DCHS2: variants seen among roughly 807,000 people sequenced by gnomAD.
The protein encoded by DCHS2 is protocadherin-23.
In DCHS2, 142 loss-of-function variants were observed where a neutral mutation model predicts 182.4. The ratio of observed to expected loss-of-function variants is 0.78; its 90% confidence interval spans 0.68 to 0.89. The LOEUF (loss-of-function observed/expected upper bound fraction) is 0.89. Among genes scored for constraint, DCHS2 ranks in the 40% least tolerant of loss-of-function variants. DCHS2 has a pLI of 0.00. For missense variants in DCHS2, 4,319 were observed against 4,198.6 expected, an observed-to-expected ratio of 1.03 and a Z score of -0.79; for synonymous variants, 1,740 against 1,663.3, an observed-to-expected ratio of 1.05 and a Z score of -1.12.
chr4:154,242,286 CAG>C (rs1164188965), intron 17 of DCHS2, among the ~76,000 whole-genome samples: 1 of 152,138 alleles, frequency 6.6e-6, no homozygotes, highest in Non-Finnish European at 1.5e-5. Context: ...AAAAGACTGA[CAG>C]AGTTATGAAT....
At chr4:154,435,025 T>C (rs908290616) in intron 1 of DCHS2, among the ~76,000 whole-genome samples, 1 of 152,102 alleles carries the variant, frequency 6.6e-6, no homozygotes, top group Non-Finnish European at 1.5e-5. Context: ...GAGGGAAAAC[T>C]AGGGATATTA....
intron 3 of DCHS2, chr4:154,354,792 C>T (rs975585740): frequency 7.2e-5 from 11 of 152,196 alleles, no homozygotes; most frequent in Admixed American, 7.2e-4. Context: ...GTAGTCCATA[C>T]TCTCTACGTC....
intron 1 of DCHS2, among the ~76,000 whole-genome samples, chr4:154,398,515 C>A (rs933674753): frequency 1.1e-3 from 174 of 152,314 alleles, no homozygotes; most frequent in African/African-American, 4.0e-3. Context: ...AATTCTCAAC[C>A]ACCACACCTC....
intron 3 of DCHS2, among the ~76,000 whole-genome samples, chr4:154,344,724 C>A (rs1277286172): frequency 6.6e-6 from 1 of 152,174 alleles, no homozygotes; most frequent in African/African-American, 2.4e-5. Context: ...TGTCTTGGAG[C>A]CCTGAGGCGG....
chr4:154,371,149 G>C (rs1730625926), intron 2 of DCHS2, among the ~76,000 whole-genome samples: 2 of 151,394 alleles, frequency 1.3e-5, no homozygotes, highest in African/African-American at 4.9e-5. Context: ...TGAAGAGGAA[G>C]ACTGTGAACA....
At position 154,236,622 on chromosome 4, in the gene DCHS2, C is replaced by T; in HGVS notation, c.8030G>A (p.Ser2677Asn). Residue 2677 changes from serine (S) to asparagine (N), a missense_variant, in exon 20 of 20, where the codon AGC becomes AAC. Ser to Asn is a conservative substitution (Grantham distance 46, BLOSUM62 1). Coordinates refer to ENST00000357232, the MANE Select transcript of DCHS2 (RefSeq NM_001358235.2). Reference protein sequence around the residue: ...SLSYHTHVKESTPLGSHITVV... With the variant: ...SLSYHTHVKENTPLGSHITVV... ...AGTGATGTGACTCCCTAGAGGGGTG[C>T]TTTCCTTGACATGGGTGTGATAGCT... The T allele has an allele frequency of 6.2e-7, 1 of 1,613,964 alleles. No homozygotes were observed. The highest frequency in any genetic ancestry group is 8.5e-7 in the Non-Finnish European group (1 of 1,179,910).
chr4:154,387,005 G>A (rs1731451247), intron 1 of DCHS2, among the ~76,000 whole-genome samples: 1 of 152,168 alleles, frequency 6.6e-6, no homozygotes, highest in South Asian at 2.1e-4. Context: ...CTCAAAGCAT[G>A]TGGAACTATT....
chr4:154,364,180 A>G (rs902968374), intron 3 of DCHS2, among the ~76,000 whole-genome samples: 5 of 152,218 alleles, frequency 3.3e-5, no homozygotes, highest in African/African-American at 1.2e-4. Context: ...AGTGTTTTCC[A>G]TGATTAACAA....
chr4:154,331,927 A>C lies in DCHS2; in HGVS notation c.3730+551T>G, dbSNP rs77832753. On this transcript the variant is annotated intron_variant, in intron 5 of 19. Coordinates refer to ENST00000357232, the MANE Select transcript of DCHS2 (RefSeq NM_001358235.2). Reference sequence around the variant, plus strand: ...TAATTTCTTAATTCAGACTTTAAAAATTTCACTGTAATTATTCCCCCTTTT... The same window carrying C: ...TAATTTCTTAATTCAGACTTTAAAACTTTCACTGTAATTATTCCCCCTTTT... 1.6e-4 allele frequency among the ~76,000 whole-genome samples: 24 copies of C among 152,340 alleles called. 1 individual carries two copies. The East Asian group carries it at 4.6e-3, about 29-fold the overall frequency.
At chr4:154,303,239 C>G (rs867199066) in intron 12 of DCHS2, among the ~76,000 whole-genome samples, 16 of 152,052 alleles carry the variant, frequency 1.1e-4, no homozygotes, top group African/African-American at 3.9e-4. Context: ...ACGTTGGCCT[C>G]CCAAAGTGCT....
chr4:154,335,948 A>G (rs1319028705), intron 3 of DCHS2, among the ~76,000 whole-genome samples: 2 of 152,200 alleles, frequency 1.3e-5, no homozygotes, highest in African/African-American at 4.8e-5. Flanking sequence ...AGTATATTCT[A>G]ATGCAGGCTA....
chr4:154,464,621 T>C (rs1201000034), intron 1 of DCHS2, among the ~76,000 whole-genome samples: 1 of 152,218 alleles, frequency 6.6e-6, no homozygotes, highest in Non-Finnish European at 1.5e-5. Flanking sequence ...CTCTCACGTA[T>C]AGTAAAGATT....
At chr4:154,443,587 A>G (rs1734125257) in intron 1 of DCHS2, among the ~76,000 whole-genome samples, 1 of 152,204 alleles carries the variant, frequency 6.6e-6, no homozygotes, top group African/African-American at 2.4e-5. Flanking sequence ...CCTTTCCCAT[A>G]GAAATGGATT....
intron 14 of DCHS2, among the ~76,000 whole-genome samples, chr4:154,266,126 A>C (rs915762714): frequency 6.6e-6 from 1 of 152,196 alleles, no homozygotes; most frequent in African/African-American, 2.4e-5. Context: ...AAATGCCCAC[A>C]TGATAAGGTA....
chr4:154,449,854 A>C (rs899496671), intron 1 of DCHS2, among the ~76,000 whole-genome samples: 3 of 152,182 alleles, frequency 2.0e-5, no homozygotes, highest in African/African-American at 7.2e-5. Flanking sequence ...GTGATAATCA[A>C]CGTCATAATT....
At chr4:154,256,934 A>G (rs572503332) in intron 15 of DCHS2, among the ~76,000 whole-genome samples, 1 of 152,292 alleles carries the variant, frequency 6.6e-6, no homozygotes, top group African/African-American at 2.4e-5. Flanking sequence ...ATCACCAAGA[A>G]AAGAAACCAG....
At chr4:154,384,588 C>A (rs1199028962) in intron 1 of DCHS2, 2 of 1,462,748 alleles carry the variant, frequency 1.4e-6, no homozygotes, top group Non-Finnish European at 1.8e-6. Flanking sequence ...TGGCAACAGA[C>A]ATGATTAAGT....
intron 1 of DCHS2, among the ~76,000 whole-genome samples, chr4:154,423,978 C>T (rs1394101104): frequency 2.0e-5 from 3 of 152,156 alleles, no homozygotes; most frequent in African/African-American, 7.2e-5. Flanking sequence ...CTTCTTCAAG[C>T]CTGCTGGCAT....
rs1225294558 is a variant in DCHS2 at position 154,491,037 on chromosome 4, A to T, written c.319T>A (p.Ser107Thr). Reference protein sequence around the residue: ...EGSGFFLSEDSDDSPLLDDFH... With the variant: ...EGSGFFLSEDTDDSPLLDDFH... ...TCGTCCAGCAGCGGGGAGTCATCGG[A>T]GTCCTCCGACAGAAAGAAGCCGCTC... The change falls in exon 1 of 20, where the codon TCC (serine) becomes ACC (threonine). Residue 107 changes from serine to threonine, a missense_variant. By Grantham distance (58) the Ser-to-Thr change is moderately conservative. Transcript: ENST00000357232. 9 of 1,550,982 alleles carry T rather than the reference A, an allele frequency of 5.8e-6. No individual in the cohort carries two copies. Among genetic ancestry groups the T allele is most frequent in the Non-Finnish European group, 7.8e-6 (9 of 1,146,854 alleles).
Sources: gnomAD v4.1 joint callset for allele counts (sites outside exome capture counted in the v4.1 genomes callset) on GRCh38, gnomAD v4.1.1 for gene constraint, MANE v1.5 for transcripts, NCBI Gene and HGNC (gene_info 2026-07-23, HGNC 2026-07-21) for gene names.